The following DCC variants were observed in gnomAD, a reference collection of about 807,000 sequenced individuals.
The protein encoded by DCC is netrin receptor DCC.
In DCC, 58 loss-of-function variants were observed where a neutral mutation model predicts 172.5. That is an observed-to-expected ratio of 0.34 (90% CI 0.27 to 0.42). The LOEUF is 0.42. DCC is among the 10% of genes least tolerant of loss of function. The pLI, the probability that DCC is intolerant of heterozygous loss-of-function variation, is 1.00. For synonymous variants in DCC, 709 were observed against 644.5 expected, an observed-to-expected ratio of 1.10 and a Z score of -1.52; for missense variants, 1,740 against 1,791.0, an observed-to-expected ratio of 0.97 and a Z score of 0.51.
At chr18:53,241,797 T>C (rs2056298780) in intron 12 of DCC, among the ~76,000 whole-genome samples, 1 of 152,162 alleles carries the variant, frequency 6.6e-6, no homozygotes, top group African/African-American at 2.4e-5. Context: ...AGGTTCCCTC[T>C]GTGTGATCTG....
chr18:53,078,247 G>A (rs2042748869), intron 7 of DCC, among the ~76,000 whole-genome samples: 1 of 151,852 alleles, frequency 6.6e-6, no homozygotes. Context: ...AATATGATGG[G>A]GCCACTGCAC....
At chr18:52,463,294 A>T (rs915307312) in intron 1 of DCC, among the ~76,000 whole-genome samples, 2 of 151,626 alleles carry the variant, frequency 1.3e-5, no homozygotes, top group African/African-American at 2.4e-5. Context: ...TTTCCTCCTG[A>T]CTTTTTTGAA....
intron 2 of DCC, among the ~76,000 whole-genome samples, chr18:52,788,549 T>G (rs1350866830): frequency 1.3e-5 from 2 of 152,236 alleles, no homozygotes; most frequent in Non-Finnish European, 2.9e-5. Flanking sequence ...CTATTTTTAT[T>G]TCTTAAAGAT....
intron 22 of DCC, 31 bp downstream of exon 22, chr18:53,435,240 A>T: frequency 7.3e-7 from 1 of 1,373,968 alleles, no homozygotes; most frequent in Non-Finnish European, 1.0e-6. Flanking sequence ...ATATTGAATT[A>T]GTTATATTAA....
chr18:52,489,196 C>T (rs1390324705), intron 1 of DCC, among the ~76,000 whole-genome samples: 1 of 152,022 alleles, frequency 6.6e-6, no homozygotes, highest in Non-Finnish European at 1.5e-5. Flanking sequence ...AAACTGGCTC[C>T]TAGATGATAC....
intron 21 of DCC, among the ~76,000 whole-genome samples, chr18:53,428,257 A>G (rs1291256986): frequency 1.2e-5 from 1 of 85,052 alleles, no homozygotes; most frequent in East Asian, 4.3e-4. Context: ...TATATTTAAT[A>G]ATATATTATA....
intron 5 of DCC, among the ~76,000 whole-genome samples, chr18:53,004,458 T>C (rs2041614263): frequency 6.6e-6 from 1 of 152,212 alleles, no homozygotes; most frequent in South Asian, 2.1e-4. Flanking sequence ...ACAGTTATCC[T>C]GTGAAAACCA....
chr18:53,083,933 A>G (rs1373772074), intron 7 of DCC, among the ~76,000 whole-genome samples: 1 of 152,208 alleles, frequency 6.6e-6, no homozygotes, highest in Non-Finnish European at 1.5e-5. Context: ...AAACTGTAAC[A>G]ACCTTTCTCC....
chr18:53,062,346 A>C (rs992793893), intron 5 of DCC, among the ~76,000 whole-genome samples: 1 of 151,994 alleles, frequency 6.6e-6, no homozygotes, highest in Non-Finnish European at 1.5e-5. Flanking sequence ...AGCACTCATC[A>C]CTCACTGAGC....
chr18:52,716,551 G>GCC (rs2036387853), intron 1 of DCC, among the ~76,000 whole-genome samples: 1 of 152,204 alleles, frequency 6.6e-6, no homozygotes, highest in African/African-American at 2.4e-5. Context: ...TTGTGTGATA[G>GCC]ATGGTGAATA....
chr18:53,063,212 C>G, intron 5 of DCC, 93 bp from the exon 6 acceptor site: 1 of 1,104,578 alleles, frequency 9.1e-7, no homozygotes, highest in Non-Finnish European at 1.4e-6. Context: ...ATTTTCTATC[C>G]CAGAGCAGTG....
At chr18:53,257,291 AG>A (rs1290292172) in intron 12 of DCC, among the ~76,000 whole-genome samples, 1 of 152,132 alleles carries the variant, frequency 6.6e-6, no homozygotes, top group African/African-American at 2.4e-5. Context: ...GTCTTGTGCC[AG>A]TTTTCAAAGG....
chr18:52,499,961 C>T (rs1376182822), intron 1 of DCC, among the ~76,000 whole-genome samples: 1 of 152,084 alleles, frequency 6.6e-6, no homozygotes, highest in Non-Finnish European at 1.5e-5. Context: ...ATCTCATATG[C>T]TTTGCAGGCC....
chr18:52,435,028 T>C (rs1284913972), intron 1 of DCC, among the ~76,000 whole-genome samples: 1 of 152,220 alleles, frequency 6.6e-6, no homozygotes, highest in Non-Finnish European at 1.5e-5. Flanking sequence ...TAGTTTTCTA[T>C]TCAAATCCTA....
At position 52,662,798 on chromosome 18, in the gene DCC, T is replaced by C. The variant is rs1270875676; in HGVS notation, c.92-89256T>C. On this transcript the variant is annotated intron_variant, in intron 1 of 28. Coordinates refer to ENST00000442544, the MANE Select transcript of DCC (RefSeq NM_005215.4). ...AGTGGCTTACACCAAAATTTGTTTC[T>C]AGAGGCTGGGAAGTTCAAGATTAAG... is the stretch of plus-strand genomic sequence containing the variant. Among the ~76,000 whole-genome samples the C allele has an allele frequency of 5.3e-5, 8 of 152,322 alleles. No homozygotes were observed. In the East Asian group the frequency reaches 1.3e-3, roughly 26 times the overall value.
At chr18:52,991,984 T>C (rs1323116478) in intron 5 of DCC, among the ~76,000 whole-genome samples, 1 of 152,170 alleles carries the variant, frequency 6.6e-6, no homozygotes, top group African/African-American at 2.4e-5. Context: ...GCTGTGAAAA[T>C]TAGCATTTGC....
At chr18:53,048,637 G>GAT (rs201525949) in intron 5 of DCC, among the ~76,000 whole-genome samples, 6,546 of 149,708 alleles carry the variant, frequency 0.044, 207 homozygotes, top group Non-Finnish European at 0.06. Context: ...AAGAAAATGT[G>GAT]ATATATATAT....
At chr18:52,813,406 G>A (rs2038235208) in intron 2 of DCC, among the ~76,000 whole-genome samples, 1 of 152,038 alleles carries the variant, frequency 6.6e-6, no homozygotes, top group African/African-American at 2.4e-5. Flanking sequence ...TGGCACATGA[G>A]ATGACTCTTG....
chr18:53,047,232 T>C (rs1599065057), intron 5 of DCC, among the ~76,000 whole-genome samples: 1 of 52,100 alleles, frequency 1.9e-5, no homozygotes, highest in African/African-American at 7.5e-5. Context: ...TCCCTGCAGG[T>C]AGGATATATA....
Sources: gnomAD v4.1 joint callset for allele counts (sites outside exome capture counted in the v4.1 genomes callset) on GRCh38, gnomAD v4.1.1 for gene constraint, MANE v1.5 for transcripts, NCBI Gene and HGNC (gene_info 2026-07-23, HGNC 2026-07-21) for gene names.